The following ATP7A variants were observed in gnomAD, a reference collection of about 807,000 sequenced individuals.
ATP7A encodes copper-transporting ATPase 1.
A neutral mutation model predicts 83.5 loss-of-function variants in ATP7A; 7 were observed. The ratio of observed to expected loss-of-function variants is 0.08; its 90% CI spans 0.05 to 0.16. ATP7A has a LOEUF of 0.16. Ranked by LOEUF, ATP7A falls within the 10% of genes least tolerant of loss-of-function variation. The probability of loss-of-function intolerance (pLI) is 1.00; values close to 1 mark genes in which losing one functional copy is unlikely to be tolerated. For synonymous variants in ATP7A, 354 were observed against 395.2 expected (o/e 0.90, Z 1.24); for missense variants, 940 against 1,120.8 (o/e 0.84, Z 2.30).
intron 14 of ATP7A, among the ~76,000 whole-genome samples, chrX:78,023,181 G>T (rs782489990): frequency 8.9e-6 from 1 of 112,146 alleles, no homozygotes; most frequent in South Asian, 3.7e-4. Context: ...CCTTTATCCA[G>T]TCCACCATTG....
intron 6 of ATP7A, among the ~76,000 whole-genome samples, chrX:78,006,811 G>T (rs1304077445): frequency 8.9e-6 from 1 of 112,190 alleles, no homozygotes; most frequent in African/African-American, 3.2e-5. Flanking sequence ...GTTGATCCAT[G>T]TTGTAGCATG....
At chrX:78,039,716 C>T (rs782188480) in intron 18 of ATP7A, among the ~76,000 whole-genome samples, 2 of 112,235 alleles carry the variant, frequency 1.8e-5, no homozygotes, top group Non-Finnish European at 3.8e-5. Flanking sequence ...AGTATTAGTA[C>T]ATATACCATT....
chrX:78,014,782 T>C, intron 11 of ATP7A, 29 bp downstream of exon 11: 2 of 1,080,843 alleles, frequency 1.9e-6, no homozygotes, highest in Non-Finnish European at 2.6e-6. Flanking sequence ...CCCTCTTCTC[T>C]TTTTTTAACT....
intron 14 of ATP7A, among the ~76,000 whole-genome samples, chrX:78,028,163 C>T (rs2077959404): frequency 9.2e-6 from 1 of 109,060 alleles, no homozygotes; most frequent in Admixed American, 9.9e-5. Flanking sequence ...GCTGCAACTG[C>T]AGGCATGCAC....
chrX:78,030,320 A>T (rs1422717960), intron 15 of ATP7A, among the ~76,000 whole-genome samples: 1 of 110,087 alleles, frequency 9.1e-6, no homozygotes. Context: ...TACTCAGGAG[A>T]CTGAGGCAGG....
chrX:77,939,885 G>T (rs2077341798), intron 1 of ATP7A, among the ~76,000 whole-genome samples: 1 of 101,977 alleles, frequency 9.8e-6, no homozygotes, highest in Admixed American at 1.0e-4. Context: ...TTTTTTGGGG[G>T]GGACCCCCCA....
Position 77,925,249 on chromosome X carries a change from T to A in ATP7A, c.-22+14414T>A, listed in dbSNP as rs184672320. 3.0e-4 allele frequency among the ~76,000 whole-genome samples: 33 copies of A among 111,709 alleles called. No individual in the cohort carries two copies. In the East Asian group the frequency reaches 8.9e-3, roughly 30 times the overall value. ...GCTATAAAAATTAATGCAAAATAAATTTTCTCCCAATATGTTAACTGCTTT... is the reference window on the plus strand; with the variant it reads ...GCTATAAAAATTAATGCAAAATAAAATTTCTCCCAATATGTTAACTGCTTT... On this transcript the variant is annotated intron_variant, in intron 1 of 22. Transcript: ENST00000341514.
At chrX:77,930,015 A>G (rs1197392755) in intron 1 of ATP7A, among the ~76,000 whole-genome samples, 1 of 111,922 alleles carries the variant, frequency 8.9e-6, no homozygotes, top group Non-Finnish European at 1.9e-5. Flanking sequence ...AAATCAGCAG[A>G]GGGATGAATT....
Position 77,926,419 on chromosome X carries a change from C to T in ATP7A, c.-22+15584C>T, listed in dbSNP as rs370248288. On this transcript the variant is annotated intron_variant, in intron 1 of 22. Transcript: ENST00000341514. The stretch of plus-strand genomic sequence containing the variant: ...AATCTCAGCCCACTGCAACCTCTGC[C>T]TCCCAGGTTCAAATGATTCTCCTGC... Among the ~76,000 whole-genome samples, 45 of 111,507 alleles carry T rather than the reference C, an allele frequency of 4.0e-4. 1 individual carries two copies. The South Asian group carries it at 0.017, about 41-fold the overall frequency.
At position 78,046,746 on chromosome X, in the gene ATP7A, G is replaced by A. The variant is rs782381531; in HGVS notation, c.*176G>A. The A allele has an allele frequency of 1.7e-6, 1 of 588,672 alleles. No individual in the cohort carries two copies. Among genetic ancestry groups the A allele is most frequent in the African/African-American group, 2.3e-5 (1 of 44,243 alleles). 48.5% of individuals were successfully genotyped at this position (588,672 alleles called of 1,213,427 possible). A position where few individuals can be genotyped will look rare whatever the true frequency, so the allele number is the denominator to read the frequency against. On this transcript the variant is annotated 3_prime_UTR_variant, in exon 23 of 23. Transcript: ENST00000341514. ...ATATCTTTTTCAAGGCATCAGCTCT[G>A]AACCTAGCTTTATTTAAACTGAATT...
intron 1 of ATP7A, among the ~76,000 whole-genome samples, chrX:77,932,941 A>T (rs1297620289): frequency 9.1e-6 from 1 of 110,252 alleles, no homozygotes; most frequent in African/African-American, 3.3e-5. Context: ...AGGGAGAGGG[A>T]GAGGGAGAGA....
At chrX:77,942,842 T>C (rs2149055239) in intron 1 of ATP7A, among the ~76,000 whole-genome samples, 1 of 111,843 alleles carries the variant, frequency 8.9e-6, no homozygotes, top group East Asian at 2.8e-4. Flanking sequence ...ACAGTCTTGC[T>C]CTGTCACCCA....
intron 2 of ATP7A, among the ~76,000 whole-genome samples, chrX:77,985,233 G>A (rs1557231259): frequency 9.0e-6 from 1 of 110,965 alleles, no homozygotes; most frequent in African/African-American, 3.3e-5. Context: ...TGCCCAGACT[G>A]GTCTGGAATT....
chrX:77,990,400 A>G (rs971921766), intron 4 of ATP7A, among the ~76,000 whole-genome samples: 1 of 111,891 alleles, frequency 8.9e-6, no homozygotes, highest in Admixed American at 9.5e-5. Context: ...ATATGAACCA[A>G]AATTTTAACA....
chrX:77,989,542 G>A lies in ATP7A; in HGVS notation c.920G>A (p.Ser307Asn). The change falls in exon 4 of 23, where the codon AGC becomes AAC. Residue 307 changes from serine to asparagine, a missense_variant. Transcript: ENST00000341514. ...TTATCTGCACTCCAATATGTAAGCAGCATAGTAGTTTCTTTAGAGAATAGG... is the reference window on the plus strand; with the variant it reads ...TTATCTGCACTCCAATATGTAAGCAACATAGTAGTTTCTTTAGAGAATAGG... ...STLSALQYVS[S>N]IVVSLENRSA... 8.3e-7 allele frequency: 1 copy of A among 1,211,626 alleles called. No homozygotes were observed. The highest frequency in any genetic ancestry group is 1.1e-6 in the Non-Finnish European group (1 of 895,286).
chrX:78,036,899 G>A (rs782215535), intron 17 of ATP7A, among the ~76,000 whole-genome samples: 2 of 111,492 alleles, frequency 1.8e-5, no homozygotes, highest in South Asian at 3.8e-4. Flanking sequence ...TATAGCAGAG[G>A]TTGTAAGAAA....
At chrX:77,915,935 G>C (rs2077182574) in intron 1 of ATP7A, among the ~76,000 whole-genome samples, 1 of 111,764 alleles carries the variant, frequency 8.9e-6, no homozygotes, top group South Asian at 3.7e-4. Flanking sequence ...TGGCCAGCCT[G>C]GTCTCAAACT....
chrX:77,965,517 C>T (rs2077499660), intron 1 of ATP7A: 1 of 274,468 alleles, frequency 3.6e-6, no homozygotes, highest in South Asian at 3.5e-5. Context: ...TAATAGGTAT[C>T]GGAGGTGGAA....
At chrX:78,031,604 T>A in intron 16 of ATP7A, 22 bp downstream of exon 16, 1 of 1,191,649 alleles carries the variant, frequency 8.4e-7, no homozygotes, top group Non-Finnish European at 1.1e-6. Flanking sequence ...TCCTCTTGTT[T>A]ATTAGTGTAG....
Sources: allele counts gnomAD v4.1 joint callset (sites outside exome capture counted in the v4.1 genomes callset), GRCh38; gene constraint gnomAD v4.1.1; transcripts MANE v1.5; gene names NCBI Gene and HGNC (gene_info 2026-07-23, HGNC 2026-07-21).